ZNF248: variants seen among roughly 807,000 people sequenced by gnomAD.
ZNF248 encodes zinc finger protein 248, also known as KRAB protein domain.
A neutral mutation model predicts 44.3 loss-of-function variants in ZNF248; 20 were observed. That is an observed-to-expected ratio of 0.45 (90% CI 0.32 to 0.66). The LOEUF is 0.66. ZNF248 is among the 30% of genes least tolerant of loss of function. ZNF248 has a pLI of 0.04. For missense variants in ZNF248, 654 were observed against 677.0 expected (o/e 0.97, Z 0.38); for synonymous variants, 224 against 229.0 (o/e 0.98, Z 0.20).
At chr10:37,761,061 T>A in the ZNF248 span, among the ~76,000 whole-genome samples, 2 of 152,190 alleles carry the variant, frequency 1.3e-5, no homozygotes, top group African/African-American at 4.8e-5. Flanking sequence ...CCCAACTCCA[T>A]CTGCCTTTCA....
intron 3 of ZNF248, among the ~76,000 whole-genome samples, chr10:37,845,644 T>G (rs2059202136): frequency 6.6e-6 from 1 of 151,948 alleles, no homozygotes; most frequent in Admixed American, 6.6e-5. Flanking sequence ...AGATATGCAT[T>G]ATAAGAAACA....
downstream of ZNF248, among the ~76,000 whole-genome samples, chr10:37,824,673 A>ATTTTTTTTTTTTTTTTTTTTTTTTTTT (rs755411927): frequency 8.8e-5 from 7 of 79,704 alleles, 3 homozygotes; most frequent in Admixed American, 4.4e-4. Flanking sequence ...ATTATTTTAA[A>ATTTTTTTTTTTTTTTTTTTTTTTTTTT]TTTTTTTTTT....
Position 37,832,395 on chromosome 10 carries a change from T to C in ZNF248, c.960A>G (p.Thr320=), listed in dbSNP as rs1283511305. ...SAFIIHQGAY[T]RKILREYKVS... ...CTTTATATTCACGGAGAATCTTTCT[T>C]GTGTAAGCTCCCTGATGGATAATGA... Residue 320 remains threonine (T), a synonymous_variant, in exon 6 of 6, where the codon ACA becomes ACG. Transcript: ENST00000395867. 4 of 1,614,070 alleles carry C rather than the reference T, an allele frequency of 2.5e-6. No homozygotes were observed. In the Admixed American group the frequency reaches 5.0e-5, roughly 20 times the overall value.
intron 3 of ZNF248, among the ~76,000 whole-genome samples, chr10:37,843,836 T>C (rs1249118080): frequency 6.6e-6 from 1 of 151,818 alleles, no homozygotes; most frequent in South Asian, 2.1e-4. Context: ...AATTGGAGAA[T>C]ATAAAAATTG....
At chr10:37,847,213 A>T (rs1034959413) in intron 3 of ZNF248, among the ~76,000 whole-genome samples, 2 of 151,620 alleles carry the variant, frequency 1.3e-5, no homozygotes, top group Non-Finnish European at 2.9e-5. Flanking sequence ...TTTTATTTTT[A>T]TTTATTTATT....
At chr10:37,773,320 G>A (rs2046344296), downstream of ZNF248, among the ~76,000 whole-genome samples, 1 of 152,138 alleles carries the variant, frequency 6.6e-6, no homozygotes, top group African/African-American at 2.4e-5. Context: ...GAGATTATTA[G>A]TATCCTCAAT....
At chr10:37,788,687 T>TAAACATAC (rs1486383554) in intron 6 of ZNF248, among the ~76,000 whole-genome samples, 1 of 152,098 alleles carries the variant, frequency 6.6e-6, no homozygotes, top group African/African-American at 2.4e-5. Flanking sequence ...AAGTACAAAT[T>TAAACATAC]AAACATACAA....
At chr10:37,854,609 C>T (rs1036808435) in intron 3 of ZNF248, among the ~76,000 whole-genome samples, 11 of 152,200 alleles carry the variant, frequency 7.2e-5, no homozygotes, top group African/African-American at 2.7e-4. Flanking sequence ...TAAGCATTCC[C>T]ATGCATTGCC....
chr10:37,852,084 C>T (rs1589981732), intron 3 of ZNF248, among the ~76,000 whole-genome samples: 2 of 151,922 alleles, frequency 1.3e-5, no homozygotes, highest in East Asian at 1.9e-4. Context: ...CCTGTCTCTA[C>T]TAAAAATACA....
rs992990058 is a variant in ZNF248, at chr10:37,829,266, G to A, written c.*2349C>T. ...CACTGTTTCCCTCCTTGCCCTTCAA[G>A]GCTCAGAATGGCAATGGCTTCCTGC... On this transcript the variant is annotated 3_prime_UTR_variant, in exon 6 of 6. Transcript: ENST00000395867. 3 of 985,184 alleles carry A rather than the reference G, an allele frequency of 3.0e-6. No homozygotes were observed. The highest frequency in any genetic ancestry group is 3.5e-5 in the African/African-American group (2 of 57,228). 61.0% of individuals were successfully genotyped at this position (985,184 alleles called of 1,614,324 possible). A position where few individuals can be genotyped will look rare whatever the true frequency, so the allele number is the denominator to read the frequency against.
chr10:37,823,779 G>A (rs1351026245), downstream of ZNF248, among the ~76,000 whole-genome samples: 1 of 151,984 alleles, frequency 6.6e-6, no homozygotes, highest in African/African-American at 2.4e-5. Flanking sequence ...TCACCATGTT[G>A]GCCAGGCTGG....
In ZNF248 at chr10:37,829,509, T is replaced by C. The variant is rs1199021618; in HGVS notation, c.*2106A>G. On this transcript the variant is annotated 3_prime_UTR_variant, in exon 6 of 6. Transcript: ENST00000395867. ...TAACACTTAGAAAAATATTCCTCTG[T>C]GTCAGCTGGAATGCCTTCAGCTCTA... The C allele has an allele frequency of 1.0e-5, 10 of 984,324 alleles. No homozygotes were observed. Among genetic ancestry groups the C allele is most frequent in the Middle Eastern group, 5.2e-4 (1 of 1,934 alleles). 61.0% of individuals were successfully genotyped at this position (984,324 alleles called of 1,614,324 possible).
At chr10:37,782,050 C>T (rs1175946140) in intron 6 of ZNF248, among the ~76,000 whole-genome samples, 2 of 152,174 alleles carry the variant, frequency 1.3e-5, no homozygotes, top group Non-Finnish European at 2.9e-5. Context: ...GTTACAGACA[C>T]TTGAGTATAT....
chr10:37,761,591 A>G, the ZNF248 span, among the ~76,000 whole-genome samples: 2 of 152,224 alleles, frequency 1.3e-5, no homozygotes, highest in South Asian at 4.1e-4. Flanking sequence ...AGTGCAATGA[A>G]GCAGAGCTTC....
rs548944837 is a variant in ZNF248, at chr10:37,835,475, C to T, written c.238+2142G>A. The stretch of plus-strand genomic sequence containing the variant: ...CTCTAAGGGATGAATTTAATACTTA[C>T]TAAAAGCATTATTGTCCCAAGACTA... On this transcript the variant is annotated intron_variant, in intron 5 of 5. Transcript: ENST00000395867. 3.3e-5 allele frequency among the ~76,000 whole-genome samples: 5 copies of T among 152,240 alleles called. No homozygotes were observed. The South Asian group carries it at 1.0e-3, about 32-fold the overall frequency.
At chr10:37,815,872 T>C (rs984001758) in intron 6 of ZNF248, among the ~76,000 whole-genome samples, 1 of 151,984 alleles carries the variant, frequency 6.6e-6, no homozygotes, top group African/African-American at 2.4e-5. Context: ...AAACTTAAGC[T>C]CTTCTGAGGT....
At chr10:37,770,518 G>A in the ZNF248 span, among the ~76,000 whole-genome samples, 2 of 152,160 alleles carry the variant, frequency 1.3e-5, no homozygotes, top group Non-Finnish European at 1.5e-5. Context: ...ACAAGCAATG[G>A]GGGAAGGATT....
At chr10:37,780,683 G>A (rs1210015443) in intron 6 of ZNF248, among the ~76,000 whole-genome samples, 3 of 152,252 alleles carry the variant, frequency 2.0e-5, no homozygotes, top group South Asian at 2.1e-4. Context: ...GCCAAGGCGC[G>A]CACCCCGCGC....
At chr10:37,761,132 C>T in the ZNF248 span, among the ~76,000 whole-genome samples, 2 of 152,120 alleles carry the variant, frequency 1.3e-5, no homozygotes, top group Non-Finnish European at 2.9e-5. Context: ...ACTGGCAGTT[C>T]CAAGGTCACC....
Sources: gnomAD v4.1 joint callset for allele counts (sites outside exome capture counted in the v4.1 genomes callset) on GRCh38, gnomAD v4.1.1 for gene constraint, MANE v1.5 for transcripts, NCBI Gene and HGNC (gene_info 2026-07-23, HGNC 2026-07-21) for gene names.